The following CACNA1A variants were observed in gnomAD, a reference collection of about 807,000 sequenced individuals.
CACNA1A encodes the protein voltage-dependent P/Q-type calcium channel subunit alpha-1A.
Under a neutral mutation model 262.4 loss-of-function variants are expected in CACNA1A, and 57 were observed. The observed-to-expected ratio is 0.22, with a 90% CI of 0.18 to 0.27. CACNA1A has a LOEUF of 0.27. Among genes scored for constraint, CACNA1A ranks in the 10% least tolerant of loss-of-function variants. The probability of loss-of-function intolerance (pLI) is 1.00; values close to 1 mark genes in which losing one functional copy is unlikely to be tolerated. For synonymous variants in CACNA1A, 1,431 were observed against 1,419.3 expected (o/e 1.01, Z -0.18); for missense variants, 2,526 against 3,562.8 (o/e 0.71, Z 7.41).
In CACNA1A at chr19:13,245,276, G is replaced by T. The variant is rs747839222; in HGVS notation, c.4867-11C>A. ...ATCGCGGAAATAATTCTAGAATGGG[G>T]ACCCACAAGACAGAGATGCCAACAG... is the stretch of plus-strand genomic sequence containing the variant. On this transcript the variant is annotated splice_polypyrimidine_tract_variant and intron_variant, in intron 30 of 46. Coordinates refer to ENST00000360228, the MANE Select transcript of CACNA1A (RefSeq NM_001127222.2). The T allele has an allele frequency of 1.2e-6, 2 of 1,611,084 alleles. No individual in the cohort carries two copies. Among genetic ancestry groups the T allele is most frequent in the South Asian group, 2.2e-5 (2 of 91,034 alleles).
rs767892925 is a variant in CACNA1A at position 13,506,066 on chromosome 19, C to T, written c.159G>A (p.Ala53=). Residue 53 remains alanine, a synonymous_variant, in exon 1 of 47, where the codon GCG becomes GCA. Coordinates refer to ENST00000360228, the MANE Select transcript of CACNA1A (RefSeq NM_001127222.2). ...AGAGTGCCATGGTCCGCGCTCTCTG[C>T]GCCATTGACTGCTTGTACATCCTTT... is the stretch of plus-strand genomic sequence containing the variant. ...GAQRMYKQSM[A]QRARTMALYN... is the part of the protein sequence containing the mutation. 8 of 1,613,774 alleles carry T rather than the reference C, an allele frequency of 5.0e-6. No individual in the cohort carries two copies. In the Admixed American group the frequency reaches 8.3e-5, roughly 17 times the overall value.
intron 2 of CACNA1A, among the ~76,000 whole-genome samples, chr19:13,454,075 G>A (rs964212994): frequency 2.0e-5 from 3 of 151,784 alleles, no homozygotes; most frequent in Non-Finnish European, 4.4e-5. Context: ...ACTGATGGCT[G>A]GCAGCTTCTA....
At chr19:13,359,318 T>C (rs550689861) in intron 6 of CACNA1A, among the ~76,000 whole-genome samples, 1 of 152,338 alleles carries the variant, frequency 6.6e-6, no homozygotes, top group East Asian at 1.9e-4. Context: ...ACATAACCTT[T>C]CCGTATTCAA....
At chr19:13,227,903 CT>C (rs34218031) in intron 36 of CACNA1A, among the ~76,000 whole-genome samples, 14,174 of 73,898 alleles carry the variant, frequency 0.19, 958 homozygotes, top group African/African-American at 0.21. Flanking sequence ...TGTTCATTGC[CT>C]TTTTTTTTTT....
rs373183625 is a variant in CACNA1A, at chr19:13,283,388, C to T, written c.3701G>A (p.Arg1234His). The T allele has an allele frequency of 1.2e-4, 196 of 1,613,766 alleles. No individual in the cohort carries two copies. The highest frequency in any genetic ancestry group is 1.1e-4 in the East Asian group (5 of 44,904). ...CAGGTTCAGGATGTAATGGCACAGG[C>T]GGCGAAGGCTGTTGGAGACAGATGG... The part of the protein sequence containing the change: ...FILSTTNPLR[R>H]LCHYILNLRY... The change falls in exon 22 of 47, where the codon CGC (arginine) becomes CAC (histidine). Residue 1234 changes from arginine to histidine, a missense_variant. Arg to His is a conservative substitution (Grantham distance 29). This residue lies in a region of CACNA1A where 765 missense variants were observed against 748.6 expected (regional missense o/e 1.02). Coordinates refer to ENST00000360228, the MANE Select transcript of CACNA1A (RefSeq NM_001127222.2).
chr19:13,333,026 A>G (rs2058492958), intron 8 of CACNA1A, 101 bp from the exon 9 acceptor site: 1 of 875,394 alleles, frequency 1.1e-6, no homozygotes, highest in African/African-American at 1.6e-5. Flanking sequence ...TTCTCTGCTG[A>G]CTGATGGTGA....
At chr19:13,228,842 G>T in intron 36 of CACNA1A, 1 of 1,084,856 alleles carries the variant, frequency 9.2e-7, no homozygotes, top group Non-Finnish European at 1.4e-6. Context: ...GGTTCACACG[G>T]GCTCCCTGGG....
At chr19:13,311,639 C>T (rs986208578) in intron 12 of CACNA1A, among the ~76,000 whole-genome samples, 2 of 152,114 alleles carry the variant, frequency 1.3e-5, no homozygotes, top group Non-Finnish European at 2.9e-5. Context: ...AGATCAAGAC[C>T]ATCCTGGCTA....
Position 13,421,034 on chromosome 19 carries a change from G to A in CACNA1A, c.539+31842C>T, listed in dbSNP as rs924974544. ...CCATCAGTGATATGTCAGTGGAAGT[G>A]ACAGCTGCCACTTTTGGGTCTGAGA... On this transcript the variant is annotated intron_variant, in intron 3 of 46. Transcript: ENST00000360228. Among the ~76,000 whole-genome samples the A allele has an allele frequency of 2.6e-5, 4 of 152,166 alleles. No homozygotes were observed. In the East Asian group the frequency reaches 7.7e-4, roughly 29 times the overall value.
At chr19:13,233,752 A>G (rs2144639159) in intron 34 of CACNA1A, among the ~76,000 whole-genome samples, 1 of 152,238 alleles carries the variant, frequency 6.6e-6, no homozygotes, top group Admixed American at 6.5e-5. Context: ...CGGCCTCCCA[A>G]AATGCTAGGA....
chr19:13,231,579 C>T (rs1465752911), intron 35 of CACNA1A, 131 bp downstream of exon 35: 4 of 923,846 alleles, frequency 4.3e-6, no homozygotes, highest in Admixed American at 2.5e-5. Flanking sequence ...GTCACCTGAT[C>T]CCAGGCTGGT....
chr19:13,255,753 T>TTCCCTCCCTCCC (rs1378112400), intron 28 of CACNA1A, among the ~76,000 whole-genome samples: 3 of 55,942 alleles, frequency 5.4e-5, no homozygotes, highest in Non-Finnish European at 1.1e-4. Context: ...CCCTCCCTCC[T>TTCCCTCCCTCCC]TCCCTCCCTC....
chr19:13,207,793 C>T lies in CACNA1A; in HGVS notation c.7041G>A (p.Glu2347=). ...TGGGCGGCCGATCTCCGGCCAGAGG[C>T]TCGGCCGTGGGGCCTGGGTACCTCC... is the stretch of plus-strand genomic sequence containing the variant. The part of the protein sequence containing the change: ...GPRRYPGPTA[E]PLAGDRPPTG... Residue 2347 remains glutamate (E), a synonymous_variant, in exon 47 of 47, where the codon GAG becomes GAA. Coordinates refer to ENST00000360228, the MANE Select transcript of CACNA1A (RefSeq NM_001127222.2). The surrounding 1 kb of genome is among the most constrained non-coding windows in gnomAD (Gnocchi z 5.7). 7.1e-7 allele frequency: 1 copy of T among 1,403,550 alleles called. No homozygotes were observed. Among genetic ancestry groups the T allele is most frequent in the Non-Finnish European group, 9.2e-7 (1 of 1,086,978 alleles). The allele number at this position is 1,403,550 out of a possible 1,614,324, so 86.9% of individuals were successfully genotyped here. A position where few individuals can be genotyped will look rare whatever the true frequency, so the allele number is the denominator to read the frequency against.
At chr19:13,299,884 T>A (rs1417532358) in intron 18 of CACNA1A, among the ~76,000 whole-genome samples, 2 of 152,172 alleles carry the variant, frequency 1.3e-5, no homozygotes, top group Non-Finnish European at 2.9e-5. Context: ...GGTTTTGGGA[T>A]GAAACTGTTT....
intron 19 of CACNA1A, among the ~76,000 whole-genome samples, chr19:13,297,911 A>G (rs955554633): frequency 1.4e-5 from 2 of 147,926 alleles, no homozygotes; most frequent in African/African-American, 5.0e-5. Flanking sequence ...ACTGCAACCT[A>G]CCTCCACCTC....
intron 24 of CACNA1A, among the ~76,000 whole-genome samples, chr19:13,267,184 C>T (rs2056884122): frequency 2.0e-5 from 3 of 152,160 alleles, no homozygotes; most frequent in Non-Finnish European, 4.4e-5. Flanking sequence ...GAGACTTTAC[C>T]GTGTACTGCT....
chr19:13,210,768 T>A, intron 43 of CACNA1A, 116 bp from the exon 44 acceptor site: 1 of 1,021,872 alleles, frequency 9.8e-7, no homozygotes, highest in Non-Finnish European at 1.5e-6. Context: ...AGGAGGGGAG[T>A]GGCACTGGCA....
intron 3 of CACNA1A, among the ~76,000 whole-genome samples, chr19:13,420,885 C>T (rs2060305895): frequency 1.3e-5 from 2 of 152,120 alleles, no homozygotes; most frequent in African/African-American, 4.8e-5. Context: ...CACTGGATGT[C>T]CACCACTCCC....
intron 1 of CACNA1A, among the ~76,000 whole-genome samples, chr19:13,497,577 T>TATATATAA (rs1981842767): frequency 4.6e-5 from 1 of 21,540 alleles, no homozygotes; most frequent in Non-Finnish European, 7.1e-5. Context: ...TATATATATA[T>TATATATAA]ATAAATTTAT....
Sources: allele counts gnomAD v4.1 joint callset (sites outside exome capture counted in the v4.1 genomes callset), GRCh38; gene constraint gnomAD v4.1.1; regional missense constraint gnomAD v4.1.1; non-coding constraint Gnocchi (gnomAD v3.1); transcripts MANE v1.5; gene names NCBI Gene and HGNC (gene_info 2026-07-23, HGNC 2026-07-21).